The following CFAP251 variants were observed in gnomAD, a reference collection of about 807,000 sequenced individuals.
CFAP251 encodes cilia- and flagella-associated protein 251.
In CFAP251, 93 loss-of-function variants were observed where a neutral mutation model predicts 126.7. That is an observed-to-expected ratio of 0.73 (90% CI 0.62 to 0.87). CFAP251 has a LOEUF of 0.87. Among genes scored for constraint, CFAP251 ranks in the 40% least tolerant of loss-of-function variants. The pLI, the probability that CFAP251 is intolerant of heterozygous loss-of-function variation, is 0.00. For synonymous variants in CFAP251, 503 were observed against 506.9 expected (o/e 0.99, Z 0.10); for missense variants, 1,287 against 1,389.2 (o/e 0.93, Z 1.17).
intron 19 of CFAP251, among the ~76,000 whole-genome samples, chr12:121,979,331 A>G (rs1882556888): frequency 6.6e-6 from 1 of 152,076 alleles, no homozygotes; most frequent in Non-Finnish European, 1.5e-5. Flanking sequence ...AGAGAGTGGC[A>G]TTTTCCAAAG....
Position 121,968,027 on chromosome 12 carries a change from G to T in CFAP251, c.2629G>T (p.Val877Phe). 1.2e-6 allele frequency: 2 copies of T among 1,608,612 alleles called. No homozygotes were observed. The highest frequency in any genetic ancestry group is 1.7e-6 in the Non-Finnish European group (2 of 1,175,506). ...CTAGGTGGGACTTCAGATCTTACCA[G>T]TTGACGGCAATCCACATAAGACATC... is the stretch of plus-strand genomic sequence containing the variant. Reference protein sequence around the residue: ...RDKVGLQILPVDGNPHKTSAI... With the variant: ...RDKVGLQILPFDGNPHKTSAI... Residue 877 changes from valine (V) to phenylalanine (F), a missense_variant, in exon 17 of 22, where the codon GTT (valine) becomes TTT (phenylalanine). Coordinates refer to ENST00000288912, the MANE Select transcript of CFAP251 (RefSeq NM_144668.6).
At chr12:121,998,481 ATATATAT>A (rs1565926916) in intron 19 of CFAP251, 3 of 68,472 alleles carry the variant, frequency 4.4e-5, no homozygotes, top group Admixed American at 1.6e-4. Flanking sequence ...ATATATATAT[ATATATAT>A]GATTGTGTTA....
intron 3 of CFAP251, among the ~76,000 whole-genome samples, chr12:121,926,102 C>G (rs762783802): frequency 3.3e-4 from 48 of 144,322 alleles, no homozygotes; most frequent in Non-Finnish European, 6.3e-4. Flanking sequence ...CCTGACCATG[C>G]AATCTGCCCG....
At position 122,001,736 on chromosome 12, in the gene CFAP251, C is replaced by T. The variant is rs1883157149; in HGVS notation, c.3337+138C>T. On this transcript the variant is annotated intron_variant, in intron 21 of 21. Transcript: ENST00000288912. ...TAACAAAGCATGTCTGTTGGGAATC[C>T]CACATGAATAAGTTATGAAAAGAAC... The T allele has an allele frequency of 7.1e-6, 5 of 702,342 alleles. No individual in the cohort carries two copies. In the East Asian group the frequency reaches 1.4e-4, roughly 19 times the overall value. 43.5% of individuals were successfully genotyped at this position (702,342 alleles called of 1,614,324 possible).
In CFAP251 at chr12:122,003,589, C is replaced by A. The variant is rs1593013083; in HGVS notation, c.3338-63C>A. On this transcript the variant is annotated intron_variant, in intron 21 of 21. Transcript: ENST00000288912. ...CCCTGTCTCAAACCCCTCCCCTCAC[C>A]CAAAAAAGAAAGAAACATAATCATC... 2.9e-6 allele frequency: 4 copies of A among 1,401,368 alleles called. No homozygotes were observed. The East Asian group carries it at 7.1e-5, about 25-fold the overall frequency. The allele number at this position is 1,401,368 out of a possible 1,614,324, so 86.8% of individuals were successfully genotyped here.
At chr12:121,998,918 AG>A (rs1555221248) in intron 19 of CFAP251, 1 of 141,476 alleles carries the variant, frequency 7.1e-6, no homozygotes, top group Non-Finnish European at 1.5e-5. Context: ...AAAAAAAAAA[AG>A]GGGGAAGTGG....
In CFAP251 at chr12:121,931,815, G is replaced by A. The variant is rs763001855; in HGVS notation, c.817G>A (p.Val273Ile). The A allele has an allele frequency of 1.9e-6, 3 of 1,606,702 alleles. No homozygotes were observed. The highest frequency in any genetic ancestry group is 1.7e-5 in the Admixed American group (1 of 58,802). The change falls in exon 4 of 22, where the codon GTT (valine) becomes ATT (isoleucine). Residue 273 changes from valine to isoleucine, a missense_variant. By Grantham distance (29) the Val-to-Ile change is conservative (BLOSUM62 3). Coordinates refer to ENST00000288912, the MANE Select transcript of CFAP251 (RefSeq NM_144668.6). ...VYYIREERQR[V>I]LLYVCAHTAI... ...CTATATTCGAGAGGAAAGGCAGAGA[G>A]TTCTTCTGTATGTTTGTGCTCACAC...
chr12:121,970,416 G>A (rs181442328), intron 17 of CFAP251, among the ~76,000 whole-genome samples: 12 of 152,192 alleles, frequency 7.9e-5, no homozygotes, highest in African/African-American at 2.2e-4. Flanking sequence ...GCTGGATGAC[G>A]CCAGGCAAGT....
At chr12:121,942,817 G>A (rs1283046016) in intron 6 of CFAP251, 78 bp from the exon 7 acceptor site, 1 of 1,512,004 alleles carries the variant, frequency 6.6e-7, no homozygotes, top group East Asian at 2.3e-5. Flanking sequence ...GAAGTTTTGG[G>A]GTCACCACAA....
chr12:121,968,927 G>A (rs1882241990), intron 17 of CFAP251: 1 of 985,290 alleles, frequency 1.0e-6, no homozygotes, highest in Non-Finnish European at 1.2e-6. Context: ...AATAAAGAGG[G>A]GACAAGCACC....
chr12:121,954,422 C>T (rs898229770), intron 10 of CFAP251, 88 bp downstream of exon 10: 1 of 1,202,368 alleles, frequency 8.3e-7, no homozygotes, highest in Non-Finnish European at 1.1e-6. Flanking sequence ...GTGGCTTACA[C>T]CTCTAATTTC....
At chr12:121,985,622 A>C (rs1252076478) in intron 19 of CFAP251, among the ~76,000 whole-genome samples, 2 of 151,434 alleles carry the variant, frequency 1.3e-5, no homozygotes, top group African/African-American at 2.4e-5. Context: ...AATAATTTTA[A>C]ATATATAATA....
chr12:121,995,228 G>A (rs1233341325), intron 19 of CFAP251, among the ~76,000 whole-genome samples: 3 of 152,178 alleles, frequency 2.0e-5, no homozygotes, highest in Non-Finnish European at 2.9e-5. Flanking sequence ...TGCTCTTTTA[G>A]CCCCAACCTC....
Position 121,918,911 on chromosome 12 carries a change from C to A in CFAP251, c.-21+216C>A, listed in dbSNP as rs953067222. 6.6e-6 allele frequency among the ~76,000 whole-genome samples: 1 copy of A among 152,112 alleles called. No homozygotes were observed. The highest frequency in any genetic ancestry group is 1.5e-5 in the Non-Finnish European group (1 of 68,004). On this transcript the variant is annotated intron_variant, in intron 1 of 21. Coordinates refer to ENST00000288912, the MANE Select transcript of CFAP251 (RefSeq NM_144668.6). The surrounding 1 kb of genome is among the most constrained non-coding windows in gnomAD (Gnocchi z 4.3). ...GCACCTGGCACCCCTGCCCCAAACC[C>A]CTGCGGCTCGAACCCGGCTGTCCAG...
At chr12:121,992,528 A>T (rs1882899542) in intron 19 of CFAP251, 4 of 972,108 alleles carry the variant, frequency 4.1e-6, no homozygotes, top group Non-Finnish European at 3.7e-6. Flanking sequence ...GAGTTAAATC[A>T]TATATTACAT....
At chr12:121,928,700 A>ACG (rs1880552820) in intron 3 of CFAP251, among the ~76,000 whole-genome samples, 3 of 43,028 alleles carry the variant, frequency 7.0e-5, no homozygotes, top group African/African-American at 3.2e-4. Flanking sequence ...GTATATATAT[A>ACG]TATATTTTTT....
intron 5 of CFAP251, among the ~76,000 whole-genome samples, chr12:121,935,644 C>G (rs996089621): frequency 1.3e-5 from 2 of 152,202 alleles, no homozygotes; most frequent in Admixed American, 1.3e-4. Context: ...AGCCTACCAG[C>G]CTTTTGACAC....
chr12:121,938,806 A>G (rs1432282745), intron 5 of CFAP251, among the ~76,000 whole-genome samples: 1 of 149,606 alleles, frequency 6.7e-6, no homozygotes, highest in African/African-American at 2.5e-5. Context: ...AACATGGTGA[A>G]ACCCCGTCTC....
At chr12:121,924,426 CTTTTTTTTT>C (rs59759704) in intron 3 of CFAP251, among the ~76,000 whole-genome samples, 40,768 of 91,080 alleles carry the variant, frequency 0.45, 8,813 homozygotes, top group Middle Eastern at 0.59. Flanking sequence ...AGACTTGTGT[CTTTTTTTTT>C]TTTTTTTTTT....
Sources: allele counts gnomAD v4.1 joint callset (sites outside exome capture counted in the v4.1 genomes callset), GRCh38; gene constraint gnomAD v4.1.1; non-coding constraint Gnocchi (gnomAD v3.1); transcripts MANE v1.5; gene names NCBI Gene and HGNC (gene_info 2026-07-23, HGNC 2026-07-21).